The following ERGIC3 variants were observed in gnomAD, a reference collection of about 807,000 sequenced individuals.
ERGIC3 encodes endoplasmic reticulum-Golgi intermediate compartment protein 3.
Under a neutral mutation model 54.7 loss-of-function variants are expected in ERGIC3, and 33 were observed. The observed-to-expected ratio is 0.60, with a 90% CI of 0.46 to 0.81. ERGIC3 has a LOEUF of 0.81. ERGIC3 is among the 30% of genes least tolerant of loss of function. The pLI, the probability that ERGIC3 is intolerant of heterozygous loss-of-function variation, is 0.00. For synonymous variants in ERGIC3, 186 were observed against 189.8 expected (o/e 0.98, Z 0.16); for missense variants, 399 against 488.4 (o/e 0.82, Z 1.73).
chr20:35,552,848 C>T (rs1322142678), intron 7 of ERGIC3, among the ~76,000 whole-genome samples: 3 of 151,892 alleles, frequency 2.0e-5, no homozygotes, highest in Admixed American at 1.3e-4. Flanking sequence ...GGATCATCTA[C>T]GTGGATATGG....
At chr20:35,551,855 TGGG>T (rs1013787268) in intron 7 of ERGIC3, among the ~76,000 whole-genome samples, 3 of 151,920 alleles carry the variant, frequency 2.0e-5, no homozygotes, top group Non-Finnish European at 4.4e-5. Context: ...CGGGAGGGAA[TGGG>T]GGAGGAGTTG....
chr20:35,555,672 G>C (rs2064707103), intron 8 of ERGIC3, among the ~76,000 whole-genome samples: 1 of 152,000 alleles, frequency 6.6e-6, no homozygotes, highest in African/African-American at 2.4e-5. Context: ...CTGGAACCTG[G>C]CCAGGCATGG....
At chr20:35,555,812 CAAAAA>C (rs60761936) in intron 8 of ERGIC3, among the ~76,000 whole-genome samples, 4 of 80,582 alleles carry the variant, frequency 5.0e-5, no homozygotes, top group Non-Finnish European at 2.8e-5. Context: ...GACCTTGTCT[CAAAAA>C]AAAAAAAAAA....
chr20:35,542,437 G>A, intron 2 of ERGIC3, 44 bp downstream of exon 2: 1 of 1,613,856 alleles, frequency 6.2e-7, no homozygotes, highest in Non-Finnish European at 8.5e-7. Flanking sequence ...TGGCATTCTA[G>A]GAGTAGGACC....
Position 35,542,400 on chromosome 20 carries a change from G to A in ERGIC3, c.159+7G>A. 1 of 1,613,998 alleles carries A rather than the reference G, an allele frequency of 6.2e-7. No homozygotes were observed. The highest frequency in any genetic ancestry group is 8.5e-7 in the Non-Finnish European group (1 of 1,180,014). On this transcript the variant is annotated splice_region_variant and intron_variant, in intron 2 of 12. Transcript: ENST00000348547. Reference sequence around the variant, plus strand: ...GTATTACCTCACCACGGAGGTAAGGGGCGGGGCTTAGTGCGTGGGCGGGGC... The same window carrying A: ...GTATTACCTCACCACGGAGGTAAGGAGCGGGGCTTAGTGCGTGGGCGGGGC...
intron 7 of ERGIC3, among the ~76,000 whole-genome samples, chr20:35,550,964 A>T (rs955508835): frequency 6.6e-6 from 1 of 152,122 alleles, no homozygotes; most frequent in Non-Finnish European, 1.5e-5. Context: ...GGCATGAGGG[A>T]TAAAGGAAAA....
intron 7 of ERGIC3, among the ~76,000 whole-genome samples, chr20:35,553,870 G>A (rs531540844): frequency 1.3e-5 from 2 of 152,338 alleles, no homozygotes; most frequent in African/African-American, 4.8e-5. Context: ...TGGATCCCCG[G>A]GCCGGGGGTG....
chr20:35,543,974 T>C (rs947923940), intron 4 of ERGIC3: 1 of 312,252 alleles, frequency 3.2e-6, no homozygotes, highest in Non-Finnish European at 6.3e-6. Flanking sequence ...TCTCACGAGG[T>C]TGCAGTCATC....
intron 4 of ERGIC3, among the ~76,000 whole-genome samples, chr20:35,545,771 G>T (rs912360997): frequency 6.6e-6 from 1 of 152,166 alleles, no homozygotes; most frequent in African/African-American, 2.4e-5. Context: ...GTCAGGATTT[G>T]CAGGAAAGAG....
chr20:35,555,916 T>G, intron 8 of ERGIC3, 117 bp from the exon 9 acceptor site: 25 of 873,162 alleles, frequency 2.9e-5, no homozygotes, highest in Non-Finnish European at 4.1e-5. Flanking sequence ...TCGGGGAGGT[T>G]GTCCCCTTAG....
chr20:35,542,445 A>T, intron 2 of ERGIC3, 52 bp downstream of exon 2: 2 of 1,613,516 alleles, frequency 1.2e-6, no homozygotes, highest in Non-Finnish European at 1.7e-6. Flanking sequence ...TAGGAGTAGG[A>T]CCTTTAGGGG....
chr20:35,542,851 G>A lies in ERGIC3; in HGVS notation c.277G>A (p.Gly93Arg). The stretch of plus-strand genomic sequence containing the variant: ...GAGTATTGATGCCATGGATGTGGCC[G>A]GAGAACAGCAGCTGGATGTGGAACA... ...YLSIDAMDVA[G>R]EQQLDVEHNL... Residue 93 changes from glycine (G) to arginine (R), a missense_variant, in exon 4 of 13, where the codon GGA becomes AGA. Gly to Arg is a moderately radical substitution (Grantham distance 125). Coordinates refer to ENST00000348547, the MANE Select transcript of ERGIC3 (RefSeq NM_015966.3). 1 of 1,614,070 alleles carries A rather than the reference G, an allele frequency of 6.2e-7. No homozygotes were observed. Among genetic ancestry groups the A allele is most frequent in the Non-Finnish European group, 8.5e-7 (1 of 1,180,018 alleles).
intron 7 of ERGIC3, chr20:35,554,772 G>A: frequency 1.7e-6 from 1 of 599,748 alleles, no homozygotes; most frequent in South Asian, 2.0e-5. Flanking sequence ...TGCAGGCAGG[G>A]CCATGGTGGT....
chr20:35,544,422 CAG>C lies in ERGIC3; in HGVS notation c.367+1482_367+1483del, dbSNP rs374710833. 424 of 300,402 alleles carry C rather than the reference CAG, an allele frequency of 1.4e-3. 4 individuals are homozygous for C. The highest frequency in any genetic ancestry group is 9.4e-3 in the African/African-American group (405 of 43,300). The allele number at this position is 300,402 out of a possible 1,614,324, so 18.6% of individuals were successfully genotyped here. The stretch of plus-strand genomic sequence containing the variant: ...TCTTTATTTCAGAGAGAGGGCAGGA[CAG>C]GGGGCTCAGTCTTTCTTGGCATCAG... On this transcript the variant is annotated intron_variant, in intron 4 of 12. Coordinates refer to ENST00000348547, the MANE Select transcript of ERGIC3 (RefSeq NM_015966.3).
Position 35,556,113 on chromosome 20 carries a change from T to C in ERGIC3, c.798T>C (p.Asn266=). The change falls in exon 9 of 13, where the codon AAT becomes AAC. Residue 266 remains asparagine, a synonymous_variant. Coordinates refer to ENST00000348547, the MANE Select transcript of ERGIC3 (RefSeq NM_015966.3). ...PGIVNPLDHT[N]VTAPQASMMF... The stretch of plus-strand genomic sequence containing the variant: ...TTGTGAACCCCCTGGACCACACCAA[T>C]GTCACTGCGCCCCAAGGTACCAGCC... The C allele has an allele frequency of 6.2e-7, 1 of 1,614,152 alleles. No individual in the cohort carries two copies. The highest frequency in any genetic ancestry group is 8.5e-7 in the Non-Finnish European group (1 of 1,180,018).
chr20:35,548,111 C>T lies in ERGIC3; in HGVS notation c.462-398C>T, dbSNP rs554567403. ...AACTCAGTGGCATTAGGTATCTTCA[C>T]AGTGTCATGCAGTCACCACTCTCTG... On this transcript the variant is annotated intron_variant, in intron 5 of 12. Coordinates refer to ENST00000348547, the MANE Select transcript of ERGIC3 (RefSeq NM_015966.3). 3.9e-5 allele frequency among the ~76,000 whole-genome samples: 6 copies of T among 152,240 alleles called. No individual in the cohort carries two copies. In the East Asian group the frequency reaches 5.8e-4, roughly 15 times the overall value.
At chr20:35,550,565 G>A (rs2064676269) in intron 7 of ERGIC3, among the ~76,000 whole-genome samples, 1 of 152,108 alleles carries the variant, frequency 6.6e-6, no homozygotes, top group Non-Finnish European at 1.5e-5. Context: ...GCAGTGAGCT[G>A]AAATTGCGCC....
chr20:35,543,122 CA>C, intron 4 of ERGIC3, 181 bp downstream of exon 4: 1 of 707,840 alleles, frequency 1.4e-6, no homozygotes, highest in Non-Finnish European at 2.3e-6. Context: ...ATCCTCTATA[CA>C]TATCGAGTCA....
At position 35,548,129 on chromosome 20, in the gene ERGIC3, ACT is replaced by A. The variant is rs1407805579; in HGVS notation, c.462-375_462-374del. Among the ~76,000 whole-genome samples, 5 of 152,086 alleles carry A rather than the reference ACT, an allele frequency of 3.3e-5. No individual in the cohort carries two copies. The South Asian group carries it at 6.2e-4, about 19-fold the overall frequency. ...ATCTTCACAGTGTCATGCAGTCACCACTCTCTGTCCTAAAACTTGTCATCGCC... is the reference window on the plus strand; with the variant it reads ...ATCTTCACAGTGTCATGCAGTCACCACTCTGTCCTAAAACTTGTCATCGCC... On this transcript the variant is annotated intron_variant, in intron 5 of 12. Coordinates refer to ENST00000348547, the MANE Select transcript of ERGIC3 (RefSeq NM_015966.3).
Sources: allele counts gnomAD v4.1 joint callset (sites outside exome capture counted in the v4.1 genomes callset), GRCh38; gene constraint gnomAD v4.1.1; transcripts MANE v1.5; gene names NCBI Gene and HGNC (gene_info 2026-07-23, HGNC 2026-07-21).